TMTC1: variants seen among roughly 807,000 people sequenced by gnomAD.
The protein encoded by TMTC1 is transmembrane O-mannosyltransferase targeting cadherins 1, also known as protein O-mannosyl-transferase TMTC1.
A neutral mutation model predicts 104.8 loss-of-function variants in TMTC1; 73 were observed. That is an observed-to-expected ratio of 0.70 (90% CI 0.58 to 0.85). TMTC1 has a LOEUF of 0.85. TMTC1 is among the 40% of genes least tolerant of loss of function. TMTC1 has a pLI of 0.00. For missense variants in TMTC1, 1,035 were observed against 1,096.1 expected, an observed-to-expected ratio of 0.94 and a Z score of 0.79; for synonymous variants, 434 against 428.7, an observed-to-expected ratio of 1.01 and a Z score of -0.15.
chr12:29,645,408 A>G, intron 5 of TMTC1, among the ~76,000 whole-genome samples: 1 of 152,318 alleles, frequency 6.6e-6, no homozygotes, highest in Non-Finnish European at 1.5e-5. Flanking sequence ...ACTACAATGA[A>G]CATAGTTAAA....
chr12:29,768,230 TATGTATCAC>T (rs1943518719), intron 1 of TMTC1, among the ~76,000 whole-genome samples, 155 bp from the exon 2 acceptor site: 1 of 152,204 alleles, frequency 6.6e-6, no homozygotes, highest in South Asian at 2.1e-4. Flanking sequence ...TAGCCTTGGG[TATGTATCAC>T]ATTTTTCCTA....
chr12:29,629,319 C>CA (rs1565721858), intron 6 of TMTC1, among the ~76,000 whole-genome samples: 1 of 148,184 alleles, frequency 6.7e-6, no homozygotes, highest in South Asian at 2.2e-4. Flanking sequence ...GACTCCGTCT[C>CA]AAAAAAAGAA....
chr12:29,680,782 G>C (rs1940888211), intron 5 of TMTC1, among the ~76,000 whole-genome samples: 1 of 152,092 alleles, frequency 6.6e-6, no homozygotes. Flanking sequence ...CTCTTAAGTA[G>C]GGGCAACCCC....
At chr12:29,574,550 C>A (rs1429764101) in intron 8 of TMTC1, among the ~76,000 whole-genome samples, 1 of 152,196 alleles carries the variant, frequency 6.6e-6, no homozygotes, top group African/African-American at 2.4e-5. Context: ...TCTCACAGTT[C>A]TGGAGGCTAG....
intron 5 of TMTC1, among the ~76,000 whole-genome samples, chr12:29,671,075 C>T (rs1170642396): frequency 6.6e-5 from 10 of 151,560 alleles, no homozygotes; most frequent in Middle Eastern, 6.8e-3. Flanking sequence ...GGGCGGATCA[C>T]GAGGTCAGGG....
At chr12:29,580,446 G>A (rs574117476) in intron 8 of TMTC1, among the ~76,000 whole-genome samples, 1 of 152,308 alleles carries the variant, frequency 6.6e-6, no homozygotes, top group South Asian at 2.1e-4. Flanking sequence ...AAAGGCTGGA[G>A]CTTGACCAAA....
intron 5 of TMTC1, among the ~76,000 whole-genome samples, chr12:29,650,773 T>C (rs1939482661): frequency 6.6e-6 from 1 of 152,152 alleles, no homozygotes; most frequent in Non-Finnish European, 1.5e-5. Context: ...GTAAATGGAA[T>C]GGATGGAGAT....
At chr12:29,650,629 A>C (rs986379855) in intron 5 of TMTC1, among the ~76,000 whole-genome samples, 2 of 152,234 alleles carry the variant, frequency 1.3e-5, no homozygotes, top group Non-Finnish European at 2.9e-5. Context: ...TGACGGTATA[A>C]ATAACTAAGT....
chr12:29,734,992 A>G (rs1353741764), intron 5 of TMTC1, among the ~76,000 whole-genome samples: 2 of 152,190 alleles, frequency 1.3e-5, no homozygotes, highest in African/African-American at 2.4e-5. Flanking sequence ...AGCTTCTTCT[A>G]CACTAGTTAA....
chr12:29,567,170 T>C (rs1025757851), intron 9 of TMTC1, among the ~76,000 whole-genome samples: 2 of 152,204 alleles, frequency 1.3e-5, no homozygotes, highest in African/African-American at 4.8e-5. Flanking sequence ...CAACATCTCC[T>C]TTCTTCTGCT....
chr12:29,637,885 C>G (rs978319637), intron 5 of TMTC1, among the ~76,000 whole-genome samples: 1 of 152,168 alleles, frequency 6.6e-6, no homozygotes, highest in East Asian at 1.9e-4. Flanking sequence ...CTCATAGGAT[C>G]TTTCTTTTAC....
chr12:29,784,591 C>A (rs1303040666), upstream of TMTC1: 2 of 152,264 alleles, frequency 1.3e-5, no homozygotes, highest in African/African-American at 4.8e-5. Context: ...TTCAGAGGCG[C>A]CACCGGCTCT....
In TMTC1 at chr12:29,604,218, C is replaced by T. The variant is rs1946637939; in HGVS notation, c.1210G>A (p.Val404Met). ...FIPASNLFFR[V>M]GFVVAERVLY... Reference sequence around the variant, plus strand: ...ACTCTCTCCGCCACCACAAAACCCACCCTGAAGAAGAGGTTGCTGGCTGGA... The same window carrying T: ...ACTCTCTCCGCCACCACAAAACCCATCCTGAAGAAGAGGTTGCTGGCTGGA... Residue 404 changes from valine (V) to methionine (M), a missense_variant, in exon 7 of 18, where the codon GTG (valine) becomes ATG (methionine). By Grantham distance (21) the Val-to-Met change is conservative (BLOSUM62 1). Transcript: ENST00000539277. The T allele has an allele frequency of 1.2e-6, 2 of 1,613,858 alleles. No homozygotes were observed. The highest frequency in any genetic ancestry group is 1.7e-6 in the Non-Finnish European group (2 of 1,179,902).
At position 29,594,231 on chromosome 12, in the gene TMTC1, C is replaced by T. The variant is rs1029823211; in HGVS notation, c.1250+9947G>A. Among the ~76,000 whole-genome samples, 4 of 152,242 alleles carry T rather than the reference C, an allele frequency of 2.6e-5. No individual in the cohort carries two copies. In the South Asian group the frequency reaches 6.2e-4, roughly 24 times the overall value. On this transcript the variant is annotated intron_variant, in intron 7 of 17. Coordinates refer to ENST00000539277, the MANE Select transcript of TMTC1 (RefSeq NM_001193451.2). ...CCACCTTCTCTACTCTTCTACAGCACAGTCATCTTGAGAATCTGAGTTCTA... is the reference window on the plus strand; with the variant it reads ...CCACCTTCTCTACTCTTCTACAGCATAGTCATCTTGAGAATCTGAGTTCTA...
Position 29,773,043 on chromosome 12 carries a change from C to T in TMTC1, c.303-4968G>A, listed in dbSNP as rs1943628915. ...ATTCTTCATTTAAAACTAGGCCAAG[C>T]AGTAGGAAATAAAATAATATTTTTG... On this transcript the variant is annotated intron_variant, in intron 1 of 17. Coordinates refer to ENST00000539277, the MANE Select transcript of TMTC1 (RefSeq NM_001193451.2). Among the ~76,000 whole-genome samples the T allele has an allele frequency of 3.3e-5, 5 of 152,228 alleles. No homozygotes were observed. In the South Asian group the frequency reaches 1.0e-3, roughly 32 times the overall value.
intron 6 of TMTC1, among the ~76,000 whole-genome samples, chr12:29,627,711 G>A (rs1341647240): frequency 3.5e-5 from 5 of 143,140 alleles, no homozygotes; most frequent in Admixed American, 6.9e-5. Flanking sequence ...AAAAACCATC[G>A]AAAGTAGGAA....
chr12:29,648,165 T>C (rs566648919), intron 5 of TMTC1, among the ~76,000 whole-genome samples: 22 of 152,162 alleles, frequency 1.4e-4, no homozygotes, highest in Admixed American at 1.4e-3. Flanking sequence ...ATCTATTCCA[T>C]CACTTTTCAA....
chr12:29,668,454 C>CTTTTTTTTTTTTTTTTTTTTTTTTTTTTT (rs66652706), intron 5 of TMTC1, among the ~76,000 whole-genome samples: 5 of 90,096 alleles, frequency 5.5e-5, no homozygotes, highest in African/African-American at 2.3e-4. Context: ...ACCAACTTAT[C>CTTTTTTTTTTTTTTTTTTTTTTTTTTTTT]TTTTTTTTTT....
chr12:29,744,818 C>A (rs567804014), intron 5 of TMTC1, among the ~76,000 whole-genome samples: 21 of 152,286 alleles, frequency 1.4e-4, no homozygotes, highest in Admixed American at 2.6e-4. Context: ...CACCAAAGAA[C>A]ATTAAAGGCA....
Sources: allele counts gnomAD v4.1 joint callset (sites outside exome capture counted in the v4.1 genomes callset), GRCh38; gene constraint gnomAD v4.1.1; transcripts MANE v1.5; gene names NCBI Gene and HGNC (gene_info 2026-07-23, HGNC 2026-07-21).